PODXL: variants seen among roughly 807,000 people sequenced by gnomAD.
The protein encoded by PODXL is podocalyxin.
PODXL carries 20 observed loss-of-function variants against 48.9 expected under a neutral mutation model. The ratio of observed to expected loss-of-function variants is 0.41; its 90% CI spans 0.29 to 0.59. PODXL has a LOEUF of 0.59. Ranked by LOEUF, PODXL falls within the 20% of genes least tolerant of loss-of-function variation. The pLI, the probability that PODXL is intolerant of heterozygous loss-of-function variation, is 0.31. For synonymous variants in PODXL, 295 were observed against 287.4 expected (o/e 1.03, Z -0.27); for missense variants, 606 against 675.1 (o/e 0.90, Z 1.13).
At chr7:131,525,614 C>T (rs1424964478) in intron 1 of PODXL, among the ~76,000 whole-genome samples, 3 of 149,738 alleles carry the variant, frequency 2.0e-5, no homozygotes, top group African/African-American at 7.4e-5. Context: ...AAAAAAAACA[C>T]AAAAAAAGTA....
intron 1 of PODXL, among the ~76,000 whole-genome samples, chr7:131,530,285 G>C (rs982536473): frequency 7.9e-5 from 12 of 152,038 alleles, no homozygotes; most frequent in Admixed American, 7.2e-4. Flanking sequence ...ATCAGTAAGG[G>C]ACCTGGGGCT....
At chr7:131,538,410 C>T (rs1312335776) in intron 1 of PODXL, among the ~76,000 whole-genome samples, 1 of 152,122 alleles carries the variant, frequency 6.6e-6, no homozygotes, top group African/African-American at 2.4e-5. Context: ...GCAGGGAGCA[C>T]AGGGTTCAAT....
Position 131,502,422 on chromosome 7 carries a change from T to G in PODXL, c.*1889A>C, listed in dbSNP as rs1385894490. The G allele has an allele frequency of 6.6e-6, 1 of 152,300 alleles. No individual in the cohort carries two copies. Among genetic ancestry groups the G allele is most frequent in the African/African-American group, 2.4e-5 (1 of 41,426 alleles). The allele number at this position is 152,300 out of a possible 1,614,324, so 9.4% of individuals were successfully genotyped here. ...GGGGCCCTATGTGAACCCCTGGCCT[T>G]CCTTTTCCCCTAGGATATCAGATGG... On this transcript the variant is annotated 3_prime_UTR_variant, in exon 9 of 9. Coordinates refer to ENST00000378555, the MANE Select transcript of PODXL (RefSeq NM_001018111.3).
intron 1 of PODXL, among the ~76,000 whole-genome samples, chr7:131,554,526 C>T (rs1436071191): frequency 6.6e-6 from 1 of 152,232 alleles, no homozygotes; most frequent in African/African-American, 2.4e-5. Context: ...AGTGGTGCTT[C>T]ATGGAAGAGA....
At chr7:131,512,377 G>A (rs1404945506) in intron 1 of PODXL, among the ~76,000 whole-genome samples, 1 of 152,170 alleles carries the variant, frequency 6.6e-6, no homozygotes, top group African/African-American at 2.4e-5. Flanking sequence ...AGGAAATGAT[G>A]CAGAGACGAG....
rs1473000727 is a variant in PODXL at position 131,503,598 on chromosome 7, G to T, written c.*713C>A. 2 of 152,416 alleles carry T rather than the reference G, an allele frequency of 1.3e-5. No homozygotes were observed. Among genetic ancestry groups the T allele is most frequent in the Non-Finnish European group, 2.9e-5 (2 of 68,228 alleles). The allele number at this position is 152,416 out of a possible 1,614,324, so 9.4% of individuals were successfully genotyped here. ...TAAGCCCCCATCTCACGAAGCAAAT[G>T]TGAGAAAATCCGAATCCAGAACAAG... On this transcript the variant is annotated 3_prime_UTR_variant, in exon 9 of 9. Transcript: ENST00000378555.
chr7:131,520,192 T>C (rs185287863), intron 1 of PODXL: 5 of 315,062 alleles, frequency 1.6e-5, no homozygotes, highest in African/African-American at 4.4e-5. Flanking sequence ...ATCAACGAGG[T>C]GGTGACCCGA....
intron 1 of PODXL, among the ~76,000 whole-genome samples, chr7:131,541,755 G>T (rs1446074246): frequency 6.6e-6 from 1 of 152,042 alleles, no homozygotes; most frequent in African/African-American, 2.4e-5. Flanking sequence ...CCCCTGCCAG[G>T]GCCTGCAGGG....
chr7:131,549,157 G>T (rs547273163), intron 1 of PODXL, among the ~76,000 whole-genome samples: 50 of 152,118 alleles, frequency 3.3e-4, no homozygotes, highest in African/African-American at 1.2e-3. Flanking sequence ...GAGTGTGCTG[G>T]GGGGGAGGGG....
intron 1 of PODXL, among the ~76,000 whole-genome samples, chr7:131,546,376 C>T (rs952690900): frequency 6.6e-6 from 1 of 152,170 alleles, no homozygotes; most frequent in Non-Finnish European, 1.5e-5. Context: ...CATTTAACCA[C>T]GTTATGGGCT....
chr7:131,507,924 T>C (rs1388163558), intron 5 of PODXL, among the ~76,000 whole-genome samples: 1 of 152,114 alleles, frequency 6.6e-6, no homozygotes, highest in Admixed American at 6.5e-5. Flanking sequence ...CTGCAGAAAA[T>C]TCAGGCAGCA....
intron 8 of PODXL, among the ~76,000 whole-genome samples, chr7:131,505,189 CAGA>C (rs1391313046): frequency 1.3e-5 from 2 of 152,276 alleles, no homozygotes; most frequent in South Asian, 2.1e-4. Flanking sequence ...GTAAGGTAGG[CAGA>C]AGAATTTTTG....
chr7:131,525,935 C>T (rs972683548), intron 1 of PODXL, among the ~76,000 whole-genome samples: 17 of 152,164 alleles, frequency 1.1e-4, no homozygotes, highest in African/African-American at 4.1e-4. Flanking sequence ...TCAGTCGGAA[C>T]TCATGTTTCA....
chr7:131,541,151 G>A (rs1378695251), intron 1 of PODXL, among the ~76,000 whole-genome samples: 1 of 152,206 alleles, frequency 6.6e-6, no homozygotes, highest in Admixed American at 6.5e-5. Flanking sequence ...AGCAGGAGCA[G>A]GAGCTAAGGC....
intron 1 of PODXL, among the ~76,000 whole-genome samples, chr7:131,532,448 A>AAT (rs1554386894): frequency 2.1e-5 from 3 of 143,178 alleles, no homozygotes; most frequent in African/African-American, 5.2e-5. Flanking sequence ...AAAAAAAAAA[A>AAT]AAATTAAAAA....
Position 131,505,942 on chromosome 7 carries a change from T to C in PODXL, c.1405A>G (p.Met469Val), listed in dbSNP as rs1413454428. The change falls in exon 8 of 9, where the codon ATG becomes GTG. Residue 469 changes from methionine (M) to valine (V), a missense_variant. Met to Val is a conservative substitution (Grantham distance 21). Coordinates refer to ENST00000378555, the MANE Select transcript of PODXL (RefSeq NM_001018111.3). ...SMPLIITIVCMASFLLLVAAL... is the reference protein window; with the variant it reads ...SMPLIITIVCVASFLLLVAAL... Reference sequence around the variant, plus strand: ...GCCACGAGGAGCAGGAATGATGCCATGCAGACGATGGTGATGATGAGGGGC... The same window carrying C: ...GCCACGAGGAGCAGGAATGATGCCACGCAGACGATGGTGATGATGAGGGGC... The C allele has an allele frequency of 6.2e-7, 1 of 1,604,552 alleles. No homozygotes were observed. The highest frequency in any genetic ancestry group is 1.3e-5 in the African/African-American group (1 of 74,882).
chr7:131,537,360 T>G (rs1798392114), intron 1 of PODXL, among the ~76,000 whole-genome samples: 1 of 151,222 alleles, frequency 6.6e-6, no homozygotes, highest in South Asian at 2.1e-4. Context: ...ATCCCAGCAC[T>G]TTGGGAGGCC....
intron 1 of PODXL, among the ~76,000 whole-genome samples, chr7:131,553,520 C>T (rs996221975): frequency 3.9e-5 from 6 of 152,172 alleles, no homozygotes; most frequent in African/African-American, 1.2e-4. Flanking sequence ...CTGAGTTGGG[C>T]GTAAAGCCAA....
At chr7:131,520,026 C>T (rs533430754) in intron 1 of PODXL, 12 of 190,234 alleles carry the variant, frequency 6.3e-5, no homozygotes, top group Middle Eastern at 2.2e-3. Context: ...TGCCCTGCCA[C>T]AAATTTCTTG....
Sources: allele counts gnomAD v4.1 joint callset (sites outside exome capture counted in the v4.1 genomes callset), GRCh38; gene constraint gnomAD v4.1.1; transcripts MANE v1.5; gene names NCBI Gene and HGNC (gene_info 2026-07-23, HGNC 2026-07-21).